The following TBC1D22A variants were observed in gnomAD, a reference collection of about 807,000 sequenced individuals.
The protein encoded by TBC1D22A is TBC1 domain family member 22A, also known as putative GTPase activator.
Under a neutral mutation model 60.2 loss-of-function variants are expected in TBC1D22A, and 38 were observed. The ratio of observed to expected loss-of-function variants is 0.63; its 90% confidence interval spans 0.49 to 0.83. The LOEUF (loss-of-function observed/expected upper bound fraction) is 0.83, where lower values mean the gene tolerates loss of function less well. TBC1D22A is among the 40% of genes least tolerant of loss of function. The pLI, the probability that TBC1D22A is intolerant of heterozygous loss-of-function variation, is 0.00. For synonymous variants in TBC1D22A, 302 were observed against 281.7 expected, an observed-to-expected ratio of 1.07 and a Z score of -0.72; for missense variants, 628 against 701.0, an observed-to-expected ratio of 0.90 and a Z score of 1.18.
intron 4 of TBC1D22A, among the ~76,000 whole-genome samples, chr22:46,876,993 T>C (rs2067598507): frequency 6.6e-6 from 1 of 152,256 alleles, no homozygotes; most frequent in Non-Finnish European, 1.5e-5. Flanking sequence ...ATTCTTTGAA[T>C]ATCCTGCTGC....
chr22:46,876,521 G>C (rs2067574774), intron 4 of TBC1D22A, among the ~76,000 whole-genome samples: 1 of 152,180 alleles, frequency 6.6e-6, no homozygotes, highest in Admixed American at 6.5e-5. Flanking sequence ...CTCTGTCTCT[G>C]TTGGCGTCAT....
chr22:46,996,687 G>A (rs925523090), intron 9 of TBC1D22A, among the ~76,000 whole-genome samples: 8 of 152,160 alleles, frequency 5.3e-5, no homozygotes, highest in African/African-American at 1.9e-4. Flanking sequence ...CCGACCACCG[G>A]CTGAGGCCCA....
intron 4 of TBC1D22A, among the ~76,000 whole-genome samples, chr22:46,853,365 C>T (rs1602159187): frequency 6.6e-6 from 1 of 152,228 alleles, no homozygotes; most frequent in African/African-American, 2.4e-5. Context: ...TCAGGATGTT[C>T]TACTCAACCG....
At chr22:46,815,694 G>A (rs903494235) in intron 4 of TBC1D22A, among the ~76,000 whole-genome samples, 7 of 152,210 alleles carry the variant, frequency 4.6e-5, no homozygotes, top group Non-Finnish European at 1.0e-4. Context: ...ATACAAAGAT[G>A]TATTTGTGAG....
chr22:47,063,606 G>A (rs2063657073), intron 11 of TBC1D22A, among the ~76,000 whole-genome samples: 1 of 152,186 alleles, frequency 6.6e-6, no homozygotes, highest in Non-Finnish European at 1.5e-5. Context: ...AGTCACACCT[G>A]AGGAGGTGAA....
At chr22:47,170,752 C>T (rs11912811) in intron 12 of TBC1D22A, among the ~76,000 whole-genome samples, 6 of 132,896 alleles carry the variant, frequency 4.5e-5, no homozygotes, top group South Asian at 2.4e-4. Flanking sequence ...GTGTGTAACC[C>T]TCCTGATGCA....
At chr22:47,150,024 G>C (rs928455975) in intron 12 of TBC1D22A, among the ~76,000 whole-genome samples, 3 of 152,236 alleles carry the variant, frequency 2.0e-5, no homozygotes, top group Admixed American at 1.3e-4. Flanking sequence ...CTGTGCACCA[G>C]GAGCAGATGG....
At chr22:46,858,517 G>C (rs1336083757) in intron 4 of TBC1D22A, among the ~76,000 whole-genome samples, 1 of 152,188 alleles carries the variant, frequency 6.6e-6, no homozygotes, top group African/African-American at 2.4e-5. Flanking sequence ...GGGCCTTAGA[G>C]CTACGTTTCA....
At chr22:46,959,360 C>T (rs1196120524) in intron 8 of TBC1D22A, among the ~76,000 whole-genome samples, 4 of 152,320 alleles carry the variant, frequency 2.6e-5, no homozygotes, top group East Asian at 1.9e-4. Context: ...TGGGTCCTGA[C>T]ACCGACCCGC....
chr22:47,080,162 A>G (rs1390308180), intron 11 of TBC1D22A, among the ~76,000 whole-genome samples: 1 of 152,238 alleles, frequency 6.6e-6, no homozygotes, highest in African/African-American at 2.4e-5. Flanking sequence ...TAGATAAACT[A>G]GTTATAACCA....
chr22:47,038,686 C>T (rs1007730023), intron 11 of TBC1D22A, among the ~76,000 whole-genome samples: 3 of 152,204 alleles, frequency 2.0e-5, no homozygotes, highest in Admixed American at 6.5e-5. Context: ...TGTTTTGTGG[C>T]TCTGAAGTCC....
chr22:46,853,463 C>T (rs2087395611), intron 4 of TBC1D22A, among the ~76,000 whole-genome samples: 1 of 152,198 alleles, frequency 6.6e-6, no homozygotes, highest in Non-Finnish European at 1.5e-5. Context: ...GGCTCTGTGC[C>T]CACGTGGCTG....
intron 4 of TBC1D22A, among the ~76,000 whole-genome samples, chr22:46,808,669 A>C (rs1433441836): frequency 6.6e-6 from 1 of 151,860 alleles, no homozygotes; most frequent in Non-Finnish European, 1.5e-5. Context: ...ATGTTGGCTT[A>C]CTGCAAGCTC....
chr22:46,912,452 G>T (rs1009500881), intron 8 of TBC1D22A, among the ~76,000 whole-genome samples: 2 of 152,118 alleles, frequency 1.3e-5, no homozygotes, highest in Admixed American at 1.3e-4. Context: ...TATATTTGGG[G>T]AGTGTAGTTT....
intron 3 of TBC1D22A, among the ~76,000 whole-genome samples, chr22:46,795,763 C>G (rs1405412728): frequency 6.6e-6 from 1 of 152,234 alleles, no homozygotes; most frequent in Non-Finnish European, 1.5e-5. Flanking sequence ...CTTATGGGCT[C>G]TGCTCAGGAG....
Position 46,762,695 on chromosome 22 carries a change from G to A in TBC1D22A, c.-92G>A, listed in dbSNP as rs565078395. On this transcript the variant is annotated 5_prime_UTR_variant, in exon 1 of 13. Coordinates refer to ENST00000337137, the MANE Select transcript of TBC1D22A (RefSeq NM_014346.5). Reference sequence around the variant, plus strand: ...GGCTCTGGAGTCCCGGGAGCAGTGAGGGGCCACCCGGGGCACAGGAAAGGG... The same window carrying A: ...GGCTCTGGAGTCCCGGGAGCAGTGAAGGGCCACCCGGGGCACAGGAAAGGG... The A allele has an allele frequency of 3.7e-5, 43 of 1,163,078 alleles. No individual in the cohort carries two copies. The highest frequency in any genetic ancestry group is 4.7e-5 in the Non-Finnish European group (41 of 875,980). The allele number at this position is 1,163,078 out of a possible 1,614,324, so 72.0% of individuals were successfully genotyped here.
At chr22:46,907,441 AC>A (rs1290129098) in intron 7 of TBC1D22A, among the ~76,000 whole-genome samples, 3 of 152,024 alleles carry the variant, frequency 2.0e-5, no homozygotes, top group Non-Finnish European at 4.4e-5. Context: ...CTGATCACAA[AC>A]CCAGGCAGGC....
intron 5 of TBC1D22A, among the ~76,000 whole-genome samples, chr22:46,884,079 G>A (rs973219080): frequency 2.6e-5 from 4 of 152,216 alleles, no homozygotes; most frequent in Admixed American, 2.6e-4. Context: ...CCAAGCCCTT[G>A]GACGAACATT....
chr22:47,170,067 C>A (rs1016914845), intron 12 of TBC1D22A, among the ~76,000 whole-genome samples: 11 of 152,174 alleles, frequency 7.2e-5, no homozygotes, highest in Admixed American at 5.9e-4. Context: ...GACGACGTGG[C>A]CTAGTGCATA....
Sources: gnomAD v4.1 joint callset for allele counts (sites outside exome capture counted in the v4.1 genomes callset) on GRCh38, gnomAD v4.1.1 for gene constraint, MANE v1.5 for transcripts, NCBI Gene and HGNC (gene_info 2026-07-23, HGNC 2026-07-21) for gene names.